Variants in PRKCA observed in about 807,000 individuals in gnomAD.
The protein encoded by PRKCA is protein kinase C alpha type.
PRKCA carries 27 observed loss-of-function variants against 87.0 expected under a neutral mutation model. The ratio of observed to expected loss-of-function variants is 0.31; its 90% CI spans 0.23 to 0.43. The LOEUF is 0.43. PRKCA is among the 20% of genes least tolerant of loss of function. PRKCA has a pLI of 1.00. For missense variants in PRKCA, 518 were observed against 852.3 expected (o/e 0.61, Z 4.88); for synonymous variants, 329 against 311.1 (o/e 1.06, Z -0.61).
chr17:66,761,246 T>C (rs1974676769), intron 13 of PRKCA, among the ~76,000 whole-genome samples: 1 of 151,310 alleles, frequency 6.6e-6, no homozygotes, highest in African/African-American at 2.4e-5. Flanking sequence ...GGCGTGTGCC[T>C]GTGGTCCTAG....
chr17:66,481,006 T>C (rs1009208938), intron 2 of PRKCA, among the ~76,000 whole-genome samples: 2 of 152,056 alleles, frequency 1.3e-5, no homozygotes, highest in Non-Finnish European at 2.9e-5. Flanking sequence ...ACATAGGTGT[T>C]ACCGCAGAAC....
rs1346058388 is a variant in PRKCA at position 66,661,736 on chromosome 17, A to C, written c.529+16225A>C. Among the ~76,000 whole-genome samples the C allele has an allele frequency of 2.0e-5, 3 of 152,210 alleles. No individual in the cohort carries two copies. In the East Asian group the frequency reaches 5.8e-4, roughly 29 times the overall value. On this transcript the variant is annotated intron_variant, in intron 5 of 16. Coordinates refer to ENST00000413366, the MANE Select transcript of PRKCA (RefSeq NM_002737.3). ...CAGGCGTAAATGGTGTTGATGTGGA[A>C]GAGATTGAGTGATGGTGGTACCCGC...
intron 2 of PRKCA, among the ~76,000 whole-genome samples, chr17:66,392,559 C>T (rs1217252895): frequency 6.6e-6 from 1 of 152,180 alleles, no homozygotes. Context: ...CTCGGGCTGT[C>T]ATTGAAAAAG....
At chr17:66,411,872 T>G (rs1911827532) in intron 2 of PRKCA, among the ~76,000 whole-genome samples, 1 of 151,246 alleles carries the variant, frequency 6.6e-6, no homozygotes, top group African/African-American at 2.4e-5. Flanking sequence ...TACTTTCTGG[T>G]AATTTTTGAG....
At chr17:66,376,417 G>A (rs1296548475) in intron 2 of PRKCA, among the ~76,000 whole-genome samples, 1 of 152,158 alleles carries the variant, frequency 6.6e-6, no homozygotes, top group Non-Finnish European at 1.5e-5. Flanking sequence ...AGACCGGGCT[G>A]GCCAACATGG....
At chr17:66,370,901 G>C (rs1015228684) in intron 2 of PRKCA, among the ~76,000 whole-genome samples, 50 of 152,288 alleles carry the variant, frequency 3.3e-4, no homozygotes, top group African/African-American at 1.2e-3. Flanking sequence ...TTCAAACCCA[G>C]AGTGTAATCT....
In PRKCA at chr17:66,735,586, T is replaced by C. The variant is rs769786910; in HGVS notation, c.1154T>C (p.Met385Thr). 1 of 1,614,114 alleles carries C rather than the reference T, an allele frequency of 6.2e-7. No homozygotes were observed. The change falls in exon 10 of 17, where the codon ATG becomes ACG. Residue 385 changes from methionine (M) to threonine (T), a missense_variant. Met to Thr is a moderately conservative substitution (Grantham distance 81). Coordinates refer to ENST00000413366, the MANE Select transcript of PRKCA (RefSeq NM_002737.3). ...VIQDDDVECT[M>T]VEKRVLALLD... ...CAGGATGATGACGTGGAGTGCACCA[T>C]GGTAGAAAAGCGAGTCTTGGCCCTG...
intron 3 of PRKCA, among the ~76,000 whole-genome samples, chr17:66,582,756 A>G (rs1969484133): frequency 6.6e-6 from 1 of 152,084 alleles, no homozygotes; most frequent in African/African-American, 2.4e-5. Flanking sequence ...TGTGAGCTGT[A>G]CCTTCACCTA....
In PRKCA at chr17:66,378,880, G is replaced by A. The variant is rs138499489; in HGVS notation, c.205+72753G>A. Among the ~76,000 whole-genome samples the A allele has an allele frequency of 2.5e-3, 363 of 145,286 alleles. 1 individual carries two copies. Among genetic ancestry groups the A allele is most frequent in the African/African-American group, 8.8e-3 (343 of 38,828 alleles). On this transcript the variant is annotated intron_variant, in intron 2 of 16. Coordinates refer to ENST00000413366, the MANE Select transcript of PRKCA (RefSeq NM_002737.3). ...CACACCACTACACTCCAACCTAAGC[G>A]ACAGAGCGAGACTCCATCTCAAAAA...
At chr17:66,703,684 A>C (rs1567985427) in intron 8 of PRKCA, 1 of 152,108 alleles carries the variant, frequency 6.6e-6, no homozygotes, top group South Asian at 2.1e-4. Flanking sequence ...AATCCCAGCT[A>C]CTTGGGAGGC....
chr17:66,671,321 T>G (rs1209781151), intron 5 of PRKCA, among the ~76,000 whole-genome samples: 3 of 141,560 alleles, frequency 2.1e-5, no homozygotes, highest in African/African-American at 5.4e-5. Flanking sequence ...AGTGGGGGGG[T>G]TTAAGAATGT....
intron 13 of PRKCA, among the ~76,000 whole-genome samples, chr17:66,745,981 G>T (rs1039567757): frequency 6.6e-6 from 1 of 152,088 alleles, no homozygotes; most frequent in Non-Finnish European, 1.5e-5. Flanking sequence ...GATACAAAAA[G>T]ACATCAGATG....
chr17:66,340,272 C>T (rs1343692336), intron 2 of PRKCA, among the ~76,000 whole-genome samples: 1 of 151,860 alleles, frequency 6.6e-6, no homozygotes, highest in East Asian at 1.9e-4. Flanking sequence ...TAATAGAAAA[C>T]AGTTACCAAA....
intron 3 of PRKCA, among the ~76,000 whole-genome samples, chr17:66,612,463 T>G (rs1368950243): frequency 6.6e-6 from 1 of 151,866 alleles, no homozygotes; most frequent in East Asian, 1.9e-4. Flanking sequence ...TTTGATTGAC[T>G]TATAGTTCCA....
At chr17:66,331,132 T>A (rs1906298193) in intron 2 of PRKCA, among the ~76,000 whole-genome samples, 1 of 152,180 alleles carries the variant, frequency 6.6e-6, no homozygotes, top group African/African-American at 2.4e-5. Context: ...ATCTCCCTGC[T>A]CCTTGGACTC....
At chr17:66,388,513 C>T (rs1265116930) in intron 2 of PRKCA, among the ~76,000 whole-genome samples, 3 of 152,038 alleles carry the variant, frequency 2.0e-5, no homozygotes, top group Non-Finnish European at 2.9e-5. Context: ...AGGCTGGTCT[C>T]GAACTCTTGA....
intron 2 of PRKCA, among the ~76,000 whole-genome samples, chr17:66,431,076 C>A (rs186856016): frequency 1.8e-4 from 28 of 152,310 alleles, no homozygotes; most frequent in Non-Finnish European, 2.9e-5. Context: ...ATTGTTCACA[C>A]TGGAAAATTT....
chr17:66,408,415 G>A (rs372838469), intron 2 of PRKCA, among the ~76,000 whole-genome samples: 17 of 152,280 alleles, frequency 1.1e-4, no homozygotes, highest in African/African-American at 3.8e-4. Context: ...TGTAACTTGA[G>A]CTTTGAAAAC....
At chr17:66,687,697 A>G (rs61762410) in intron 6 of PRKCA, among the ~76,000 whole-genome samples, 3,365 of 152,290 alleles carry the variant, frequency 0.022, 124 homozygotes, top group African/African-American at 0.078. Flanking sequence ...AAATGGGAAG[A>G]TCATTCTTGC....
Sources: allele counts gnomAD v4.1 joint callset (sites outside exome capture counted in the v4.1 genomes callset), GRCh38; gene constraint gnomAD v4.1.1; transcripts MANE v1.5; gene names NCBI Gene and HGNC (gene_info 2026-07-23, HGNC 2026-07-21).